Variants in PPP2R5C observed in about 807,000 individuals in gnomAD.
The protein encoded by PPP2R5C is protein phosphatase 2 regulatory subunit B'gamma.
A neutral mutation model predicts 68.9 loss-of-function variants in PPP2R5C; 7 were observed. The ratio of observed to expected loss-of-function variants is 0.10; its 90% CI spans 0.06 to 0.19. The LOEUF (loss-of-function observed/expected upper bound fraction) is 0.19, where lower values mean the gene tolerates loss of function less well. Among genes scored for constraint, PPP2R5C ranks in the 10% least tolerant of loss-of-function variants. The pLI is 1.00. For synonymous variants in PPP2R5C, 210 were observed against 222.2 expected, an observed-to-expected ratio of 0.95 and a Z score of 0.49; for missense variants, 348 against 641.3, an observed-to-expected ratio of 0.54 and a Z score of 4.94.
chr14:101,794,766 T>C (rs2038531555), intron 3 of PPP2R5C, among the ~76,000 whole-genome samples: 1 of 152,228 alleles, frequency 6.6e-6, no homozygotes, highest in Non-Finnish European at 1.5e-5. Context: ...TTTTCTTCCA[T>C]TGTGTCTTCT....
intron 2 of PPP2R5C, chr14:101,765,813 G>C (rs1128986): frequency 0.14 from 19,796 of 144,476 alleles, 1,439 homozygotes; most frequent in African/African-American, 0.18. Flanking sequence ...TCTCGAACTC[G>C]TGACCTCAGG....
chr14:101,801,217 G>A (rs889860148), intron 3 of PPP2R5C, among the ~76,000 whole-genome samples: 2 of 152,196 alleles, frequency 1.3e-5, no homozygotes, highest in African/African-American at 4.8e-5. Context: ...GAATTGTAAT[G>A]TTTCCAACAC....
chr14:101,909,537 G>A, intron 10 of PPP2R5C, 52 bp from the exon 13 acceptor site: 1 of 1,291,816 alleles, frequency 7.7e-7, no homozygotes, highest in East Asian at 2.3e-5. Flanking sequence ...GGAGAGGCGA[G>A]GGCTCAGCAG....
chr14:101,762,785 G>C, intron 1 of PPP2R5C, 120 bp from the exon 2 acceptor site: 1 of 814,742 alleles, frequency 1.2e-6, no homozygotes, highest in Non-Finnish European at 2.0e-6. Context: ...CTAATGGTAT[G>C]AATTAAAAAT....
chr14:101,838,535 G>A (rs1356581599), intron 1 of PPP2R5C, among the ~76,000 whole-genome samples: 4 of 152,164 alleles, frequency 2.6e-5, no homozygotes, highest in South Asian at 4.1e-4. Context: ...ATGTTGTAAC[G>A]AGCAGGCGGT....
chr14:101,834,931 G>A (rs138248895), intron 1 of PPP2R5C, among the ~76,000 whole-genome samples: 3 of 152,194 alleles, frequency 2.0e-5, no homozygotes, highest in South Asian at 2.1e-4. Context: ...AGGTTAGAAG[G>A]TCTGGCCAGA....
chr14:101,904,111 A>G (rs1303074861), intron 9 of PPP2R5C, among the ~76,000 whole-genome samples: 1 of 152,132 alleles, frequency 6.6e-6, no homozygotes, highest in South Asian at 2.1e-4. Flanking sequence ...CCCCAAATAT[A>G]TTGGTGGGTG....
rs188812513 is a variant in PPP2R5C at position 101,835,559 on chromosome 14, A to G, written c.95-21127A>G. On this transcript the variant is annotated intron_variant, in intron 1 of 13. Coordinates refer to ENST00000334743, the Ensembl canonical transcript of PPP2R5C. The surrounding 1 kb of genome is among the most constrained non-coding windows in gnomAD (Gnocchi z 5.0). ...GAAACCTGGCCCATGTCAAATTTGT[A>G]TTAGGAACCATTGATTTCAATTCAC... Among the ~76,000 whole-genome samples, 1 of 152,316 alleles carries G rather than the reference A, an allele frequency of 6.6e-6. No homozygotes were observed. Among genetic ancestry groups the G allele is most frequent in the East Asian group, 1.9e-4 (1 of 5,188 alleles).
At chr14:101,770,613 A>C (rs1212930004) in intron 2 of PPP2R5C, among the ~76,000 whole-genome samples, 2 of 152,220 alleles carry the variant, frequency 1.3e-5, no homozygotes, top group Non-Finnish European at 2.9e-5. Context: ...TATCATGGTT[A>C]AAGCCAATAG....
chr14:101,859,132 C>T lies in PPP2R5C; in HGVS notation c.294+2247C>T, dbSNP rs148478403. Reference sequence around the variant, plus strand: ...CTGAGCATCCATCATGGGCCAGGCACGTTTTGGGGTGAGGAAATAGAATGG... The same window carrying T: ...CTGAGCATCCATCATGGGCCAGGCATGTTTTGGGGTGAGGAAATAGAATGG... On this transcript the variant is annotated intron_variant, in intron 2 of 13. Coordinates refer to ENST00000334743, the Ensembl canonical transcript of PPP2R5C. Among the ~76,000 whole-genome samples the T allele has an allele frequency of 2.9e-3, 438 of 152,302 alleles. 4 individuals carry two copies. The highest frequency in any genetic ancestry group is 9.7e-3 in the African/African-American group (403 of 41,556).
At chr14:101,911,930 G>A (rs1429439872) in intron 11 of PPP2R5C, among the ~76,000 whole-genome samples, 1 of 151,664 alleles carries the variant, frequency 6.6e-6, no homozygotes, top group Non-Finnish European at 1.5e-5. Context: ...TGAAAGTCAT[G>A]TGACTCGCAG....
chr14:101,897,680 C>T (rs1264086069), intron 8 of PPP2R5C, among the ~76,000 whole-genome samples: 2 of 152,028 alleles, frequency 1.3e-5, no homozygotes, highest in African/African-American at 4.8e-5. Flanking sequence ...CCTTTCCTAG[C>T]CCACTGACTC....
At chr14:101,827,719 CA>C (rs1382433458) in intron 1 of PPP2R5C, among the ~76,000 whole-genome samples, 1 of 152,140 alleles carries the variant, frequency 6.6e-6, no homozygotes, top group Non-Finnish European at 1.5e-5. Context: ...AGTTCTCGGC[CA>C]TAAGTGCAGG....
chr14:101,873,612 G>T (rs2043565221), intron 2 of PPP2R5C, among the ~76,000 whole-genome samples: 1 of 152,214 alleles, frequency 6.6e-6, no homozygotes, highest in African/African-American at 2.4e-5. Context: ...CTTTCAGGTG[G>T]TTCTTTTCCC....
chr14:101,807,608 ACCTTAC>A (rs2039127527), upstream of PPP2R5C, among the ~76,000 whole-genome samples: 1 of 152,170 alleles, frequency 6.6e-6, no homozygotes, highest in Non-Finnish European at 1.5e-5. Flanking sequence ...TCAGAAGTAC[ACCTTAC>A]CTTTATTCAA....
At chr14:101,763,388 T>A (rs903659507) in intron 2 of PPP2R5C, among the ~76,000 whole-genome samples, 17 of 129,712 alleles carry the variant, frequency 1.3e-4, no homozygotes, top group African/African-American at 3.8e-4. Context: ...ACCCAACAAA[T>A]TTTTTTTTTT....
At chr14:101,887,377 T>C (rs2044593245) in intron 5 of PPP2R5C, among the ~76,000 whole-genome samples, 1 of 152,216 alleles carries the variant, frequency 6.6e-6, no homozygotes, top group African/African-American at 2.4e-5. Flanking sequence ...GCCATCAAAC[T>C]GTCCCCATCA....
At chr14:101,834,210 G>C (rs539477277) in intron 1 of PPP2R5C, among the ~76,000 whole-genome samples, 1 of 152,214 alleles carries the variant, frequency 6.6e-6, no homozygotes, top group Non-Finnish European at 1.5e-5. Flanking sequence ...TTTGAGCAGG[G>C]TGTGCTGTGT....
At chr14:101,818,990 AG>A in intron 1 of PPP2R5C, 1 of 1,543,102 alleles carries the variant, frequency 6.5e-7, no homozygotes, top group Non-Finnish European at 8.8e-7. Context: ...GTTTCACTCT[AG>A]GGAACAAGTC....
Sources: allele counts gnomAD v4.1 joint callset (sites outside exome capture counted in the v4.1 genomes callset), GRCh38; gene constraint gnomAD v4.1.1; non-coding constraint Gnocchi (gnomAD v3.1); transcripts MANE v1.5; gene names NCBI Gene and HGNC (gene_info 2026-07-23, HGNC 2026-07-21).